CPNE4: variants seen among roughly 807,000 people sequenced by gnomAD.
CPNE4 encodes copine 4.
A neutral mutation model predicts 67.9 loss-of-function variants in CPNE4; 25 were observed. The ratio of observed to expected loss-of-function variants is 0.37; its 90% confidence interval spans 0.27 to 0.51. The LOEUF is 0.51. CPNE4 is among the 20% of genes least tolerant of loss of function. CPNE4 has a pLI of 0.93. For synonymous variants in CPNE4, 242 were observed against 244.9 expected (o/e 0.99, Z 0.11); for missense variants, 464 against 690.8 (o/e 0.67, Z 3.68).
chr3:131,682,381 GCT>G (rs1303939403), intron 6 of CPNE4, among the ~76,000 whole-genome samples: 1 of 152,112 alleles, frequency 6.6e-6, no homozygotes, highest in East Asian at 1.9e-4. Context: ...GTGATGCTGG[GCT>G]CTTTCAGACT....
At chr3:131,875,994 A>G (rs575388997) in intron 2 of CPNE4, among the ~76,000 whole-genome samples, 33 of 152,316 alleles carry the variant, frequency 2.2e-4, no homozygotes, top group African/African-American at 7.9e-4. Context: ...CAGTGCAGTT[A>G]AAATAGAAAT....
At chr3:131,855,094 T>C (rs542485141) in intron 2 of CPNE4, among the ~76,000 whole-genome samples, 2 of 152,052 alleles carry the variant, frequency 1.3e-5, no homozygotes, top group South Asian at 4.1e-4. Flanking sequence ...TTTAGGTCAG[T>C]GTATTTCACA....
At chr3:131,620,556 G>A (rs1467442184) in intron 7 of CPNE4, 3 of 662,578 alleles carry the variant, frequency 4.5e-6, no homozygotes, top group Non-Finnish European at 5.6e-6. Context: ...TGGGACCTGT[G>A]GATATGTTAC....
intron 9 of CPNE4, among the ~76,000 whole-genome samples, chr3:131,576,010 C>A (rs977974353): frequency 1.3e-5 from 2 of 152,136 alleles, no homozygotes; most frequent in Non-Finnish European, 2.9e-5. Context: ...TGAATACTCA[C>A]TATGCACTAG....
At chr3:131,967,687 T>TG (rs775534125) in intron 1 of CPNE4, among the ~76,000 whole-genome samples, 2 of 151,940 alleles carry the variant, frequency 1.3e-5, no homozygotes, top group Non-Finnish European at 2.9e-5. Context: ...AAGGAACCAC[T>TG]GCTCAAGGAA....
intron 7 of CPNE4, among the ~76,000 whole-genome samples, chr3:131,595,087 G>C (rs944308557): frequency 2.6e-5 from 4 of 152,176 alleles, no homozygotes; most frequent in Admixed American, 2.6e-4. Context: ...AGGATGTGGA[G>C]AAATTGGAAC....
At position 131,542,683 on chromosome 3, in the gene CPNE4, T is replaced by C; in HGVS notation, c.1413A>G (p.Gly471=). Residue 471 remains glycine (G), a synonymous_variant, in exon 15 of 16, where the codon GGA becomes GGG. Coordinates refer to ENST00000429747, the MANE Select transcript of CPNE4 (RefSeq NM_130808.3). Reference sequence around the variant, plus strand: ...TGTCACTGAAGTCAGCGTTCCCTACTCCCACGATGATGACTGACATGGGGA... The same window carrying C: ...TGTCACTGAAGTCAGCGTTCCCTACCCCCACGATGATGACTGACATGGGGA... ...SHLPMSVIIV[G]VGNADFSDMQ... The C allele has an allele frequency of 3.1e-6, 5 of 1,613,962 alleles. No individual in the cohort carries two copies. The highest frequency in any genetic ancestry group is 4.2e-6 in the Non-Finnish European group (5 of 1,179,930).
At chr3:131,725,002 C>T (rs1356389021) in intron 2 of CPNE4, among the ~76,000 whole-genome samples, 1 of 152,196 alleles carries the variant, frequency 6.6e-6, no homozygotes, top group Non-Finnish European at 1.5e-5. Context: ...CCCATCCTTC[C>T]TATTTTACAA....
chr3:131,777,700 T>C (rs1164853383), intron 2 of CPNE4, among the ~76,000 whole-genome samples: 1 of 152,108 alleles, frequency 6.6e-6, no homozygotes, highest in Non-Finnish European at 1.5e-5. Flanking sequence ...TTACACTTTA[T>C]TGGCACTACA....
chr3:131,623,190 T>TA (rs1245669557), intron 7 of CPNE4, among the ~76,000 whole-genome samples: 1 of 152,100 alleles, frequency 6.6e-6, no homozygotes, highest in African/African-American at 2.4e-5. Context: ...ATCATCTTTT[T>TA]ATGTCACTAA....
At chr3:131,603,394 A>G (rs6791740) in intron 7 of CPNE4, among the ~76,000 whole-genome samples, 20,242 of 152,168 alleles carry the variant, frequency 0.13, 1,924 homozygotes, top group African/African-American at 0.26. Context: ...TAGGGACTCA[A>G]TAAGTGTTGC....
intron 7 of CPNE4, among the ~76,000 whole-genome samples, chr3:131,639,001 T>C (rs751106830): frequency 6.6e-6 from 1 of 152,082 alleles, no homozygotes; most frequent in African/African-American, 2.4e-5. Context: ...ACCTCTGGGA[T>C]AGAGCAAAAG....
intron 9 of CPNE4, among the ~76,000 whole-genome samples, chr3:131,579,701 A>G (rs1937665018): frequency 6.6e-6 from 1 of 152,164 alleles, no homozygotes; most frequent in Non-Finnish European, 1.5e-5. Context: ...GGTGGGACAA[A>G]CTGGAGATGT....
intron 2 of CPNE4, among the ~76,000 whole-genome samples, chr3:131,792,150 G>T (rs1483660826): frequency 6.6e-6 from 1 of 152,052 alleles, no homozygotes; most frequent in Non-Finnish European, 1.5e-5. Context: ...TGATATAGGG[G>T]TGTTGCCATT....
chr3:131,864,215 T>G (rs1175909409), intron 2 of CPNE4, among the ~76,000 whole-genome samples: 2 of 151,412 alleles, frequency 1.3e-5, no homozygotes, highest in East Asian at 3.9e-4. Flanking sequence ...ATATGAACTT[T>G]AAAGTAGTTT....
intron 2 of CPNE4, among the ~76,000 whole-genome samples, chr3:131,898,015 ATTGT>A (rs2088404090): frequency 6.6e-6 from 1 of 152,148 alleles, no homozygotes; most frequent in Non-Finnish European, 1.5e-5. Flanking sequence ...TACCTGATAC[ATTGT>A]TTAAGTACTC....
chr3:131,537,578 C>T, intron 15 of CPNE4: 1 of 269,354 alleles, frequency 3.7e-6, no homozygotes, highest in South Asian at 3.8e-5. Flanking sequence ...CCACCGCACC[C>T]AGCCCTGAAG....
At chr3:132,009,403 G>T (rs2073692201) in intron 1 of CPNE4, among the ~76,000 whole-genome samples, 1 of 152,124 alleles carries the variant, frequency 6.6e-6, no homozygotes. Context: ...GGTTTTCAGA[G>T]GCCATGTTGA....
intron 2 of CPNE4, among the ~76,000 whole-genome samples, chr3:131,856,927 C>G (rs879762229): frequency 1.3e-5 from 2 of 152,032 alleles, no homozygotes; most frequent in Non-Finnish European, 2.9e-5. Flanking sequence ...AGCTTGTGCT[C>G]TTCCCCATGA....
Sources: gnomAD v4.1 joint callset for allele counts (sites outside exome capture counted in the v4.1 genomes callset) on GRCh38, gnomAD v4.1.1 for gene constraint, MANE v1.5 for transcripts, NCBI Gene and HGNC (gene_info 2026-07-23, HGNC 2026-07-21) for gene names.